The following AKAP6 variants were observed in gnomAD, a reference collection of about 807,000 sequenced individuals.
AKAP6 encodes A-kinase anchor protein 6.
A neutral mutation model predicts 188.5 loss-of-function variants in AKAP6; 58 were observed. That is an observed-to-expected ratio of 0.31 (90% CI 0.25 to 0.38). AKAP6 has a LOEUF of 0.38. Ranked by LOEUF, AKAP6 falls within the 10% of genes least tolerant of loss-of-function variation. AKAP6 has a pLI of 1.00. For missense variants in AKAP6, 2,710 were observed against 2,740.0 expected (o/e 0.99, Z 0.24); for synonymous variants, 989 against 998.6 (o/e 0.99, Z 0.18).
At chr14:32,383,742 C>T (rs758115694) in intron 1 of AKAP6, among the ~76,000 whole-genome samples, 7 of 152,168 alleles carry the variant, frequency 4.6e-5, no homozygotes, top group South Asian at 2.1e-4. Flanking sequence ...GGAGCATCTC[C>T]CTGAACTCAA....
intron 2 of AKAP6, among the ~76,000 whole-genome samples, chr14:32,520,986 T>C (rs1757397960): frequency 6.6e-6 from 1 of 152,198 alleles, no homozygotes; most frequent in Non-Finnish European, 1.5e-5. Flanking sequence ...AAAACACTTA[T>C]CTACCAAGAT....
chr14:32,371,036 A>G (rs1201447019), intron 1 of AKAP6, among the ~76,000 whole-genome samples: 1 of 152,202 alleles, frequency 6.6e-6, no homozygotes, highest in East Asian at 1.9e-4. Context: ...AAATAGTAGT[A>G]CTGAGAAGTA....
intron 1 of AKAP6, among the ~76,000 whole-genome samples, chr14:32,335,524 T>C (rs1008212420): frequency 1.3e-5 from 2 of 152,148 alleles, no homozygotes; most frequent in African/African-American, 4.8e-5. Flanking sequence ...AAGGCCCTTG[T>C]AGATGGTAAT....
chr14:32,608,109 TA>T (rs1367196732), intron 7 of AKAP6, among the ~76,000 whole-genome samples: 1 of 152,164 alleles, frequency 6.6e-6, no homozygotes, highest in Non-Finnish European at 1.5e-5. Context: ...AGGAATTTTT[TA>T]ATGGTCTGCC....
At chr14:32,497,907 T>A (rs12147424) in intron 2 of AKAP6, among the ~76,000 whole-genome samples, 95,757 of 151,910 alleles carry the variant, frequency 0.63, 31,105 homozygotes, top group East Asian at 0.91. Flanking sequence ...TATCCTTGGT[T>A]ATAGTCTTTG....
At chr14:32,629,521 G>C (rs35119197) in intron 7 of AKAP6, among the ~76,000 whole-genome samples, 1 of 148,044 alleles carries the variant, frequency 6.8e-6, no homozygotes, top group East Asian at 2.0e-4. Flanking sequence ...AGAGCCTGTA[G>C]AACTGGGCGC....
intron 2 of AKAP6, among the ~76,000 whole-genome samples, chr14:32,505,036 T>A (rs912502504): frequency 2.6e-5 from 4 of 152,208 alleles, no homozygotes; most frequent in African/African-American, 9.6e-5. Context: ...AAGCCTGATA[T>A]CAATGGTGCA....
intron 2 of AKAP6, chr14:32,495,244 C>T (rs1164238218): frequency 6.6e-6 from 1 of 152,160 alleles, no homozygotes; most frequent in Non-Finnish European, 1.5e-5. Context: ...AAAACCAAAT[C>T]GACTTGAGTT....
intron 1 of AKAP6, among the ~76,000 whole-genome samples, chr14:32,364,797 A>T (rs1445786362): frequency 6.6e-6 from 1 of 152,176 alleles, no homozygotes; most frequent in African/African-American, 2.4e-5. Flanking sequence ...TTTAGATGAC[A>T]ATTGACAACA....
chr14:32,836,049 G>T lies in AKAP6; in HGVS notation c.*6244G>T, dbSNP rs760232853. The T allele has an allele frequency of 6.6e-6, 1 of 152,208 alleles. No homozygotes were observed. Among genetic ancestry groups the T allele is most frequent in the African/African-American group, 2.4e-5 (1 of 41,454 alleles). 9.4% of individuals were successfully genotyped at this position (152,208 alleles called of 1,614,324 possible). On this transcript the variant is annotated 3_prime_UTR_variant, in exon 14 of 14. Coordinates refer to ENST00000280979, the MANE Select transcript of AKAP6 (RefSeq NM_004274.5). ...GGGTTCTCACCAAAGCAGAAATTAC[G>T]CAGAGCTTATTTGTCCTTGCATTTT...
At chr14:32,788,605 C>T (rs946751156) in intron 12 of AKAP6, among the ~76,000 whole-genome samples, 4 of 149,460 alleles carry the variant, frequency 2.7e-5, no homozygotes, top group South Asian at 2.1e-4. Flanking sequence ...AGTGAGTGAG[C>T]GTGCAACCCC....
At chr14:32,465,307 C>T (rs1048468961) in intron 2 of AKAP6, among the ~76,000 whole-genome samples, 1 of 152,106 alleles carries the variant, frequency 6.6e-6, no homozygotes, top group African/African-American at 2.4e-5. Context: ...AAGAACAAAG[C>T]TGTAGGCATG....
At chr14:32,552,702 G>A (rs191955189) in intron 4 of AKAP6, among the ~76,000 whole-genome samples, 1 of 152,202 alleles carries the variant, frequency 6.6e-6, no homozygotes, top group Non-Finnish European at 1.5e-5. Flanking sequence ...TGAGGCAAAG[G>A]GCAGTAGTTG....
At chr14:32,399,681 C>T (rs1039797966) in intron 1 of AKAP6, among the ~76,000 whole-genome samples, 1 of 152,210 alleles carries the variant, frequency 6.6e-6, no homozygotes, top group Non-Finnish European at 1.5e-5. Flanking sequence ...TGAGGTCATA[C>T]ATTTCTTGTT....
At chr14:32,747,681 G>A (rs989071367) in intron 11 of AKAP6, among the ~76,000 whole-genome samples, 1 of 152,136 alleles carries the variant, frequency 6.6e-6, no homozygotes, top group African/African-American at 2.4e-5. Flanking sequence ...GAAATTCAAA[G>A]GTAGATTTAA....
At chr14:32,753,222 T>G (rs2032206080) in intron 11 of AKAP6, among the ~76,000 whole-genome samples, 1 of 152,178 alleles carries the variant, frequency 6.6e-6, no homozygotes, top group Non-Finnish European at 1.5e-5. Flanking sequence ...ATCTTTTCTC[T>G]TTTTGATAAT....
intron 2 of AKAP6, among the ~76,000 whole-genome samples, chr14:32,481,908 C>T (rs1173615535): frequency 1.3e-5 from 2 of 152,182 alleles, no homozygotes; most frequent in Non-Finnish European, 2.9e-5. Flanking sequence ...TCTTTTCTCA[C>T]TGTGATCTCA....
intron 11 of AKAP6, among the ~76,000 whole-genome samples, chr14:32,736,579 T>A (rs2031437269): frequency 6.6e-6 from 1 of 152,178 alleles, no homozygotes; most frequent in Non-Finnish European, 1.5e-5. Context: ...AGTCATTATT[T>A]GGGTTCTGGC....
intron 2 of AKAP6, among the ~76,000 whole-genome samples, chr14:32,527,091 T>A (rs911943558): frequency 2.0e-5 from 3 of 152,240 alleles, no homozygotes; most frequent in African/African-American, 7.2e-5. Context: ...TTCACTGCCA[T>A]AAACATCCTC....
Sources: allele counts gnomAD v4.1 joint callset (sites outside exome capture counted in the v4.1 genomes callset), GRCh38; gene constraint gnomAD v4.1.1; transcripts MANE v1.5; gene names NCBI Gene and HGNC (gene_info 2026-07-23, HGNC 2026-07-21).